Variants in NHSL1 observed in about 807,000 individuals in gnomAD.
The protein encoded by NHSL1 is NHS like 1, also known as NHS-like protein 1.
A neutral mutation model predicts 95.0 loss-of-function variants in NHSL1; 48 were observed. The observed-to-expected ratio is 0.51, with a 90% confidence interval of 0.40 to 0.64. The LOEUF is 0.64. Among genes scored for constraint, NHSL1 ranks in the 30% least tolerant of loss-of-function variants. The probability of loss-of-function intolerance (pLI) is 0.00; values close to 1 mark genes in which losing one functional copy is unlikely to be tolerated. For missense variants in NHSL1, 1,971 were observed against 2,077.7 expected (o/e 0.95, Z 1.00); for synonymous variants, 783 against 833.9 (o/e 0.94, Z 1.05).
chr6:138,610,571 TATAA>T (rs1439544864), intron 1 of NHSL1, among the ~76,000 whole-genome samples: 57 of 147,586 alleles, frequency 3.9e-4, no homozygotes, highest in African/African-American at 1.3e-3. Context: ...TATATATATA[TATAA>T]AAAGAAAAGA....
chr6:138,649,791 A>G (rs1785064982), intron 1 of NHSL1, among the ~76,000 whole-genome samples: 1 of 152,156 alleles, frequency 6.6e-6, no homozygotes, highest in Non-Finnish European at 1.5e-5. Flanking sequence ...ATCACGCCCT[A>G]TTTACGAAGA....
At chr6:138,616,154 T>C (rs975601949) in intron 1 of NHSL1, among the ~76,000 whole-genome samples, 4 of 152,338 alleles carry the variant, frequency 2.6e-5, no homozygotes, top group Admixed American at 2.6e-4. Context: ...GAGCAAATAA[T>C]GAACAAATTC....
chr6:138,504,912 C>CTGTA (rs1780880313), intron 1 of NHSL1, among the ~76,000 whole-genome samples: 1 of 152,158 alleles, frequency 6.6e-6, no homozygotes, highest in Non-Finnish European at 1.5e-5. Context: ...TTTCAGGAAC[C>CTGTA]AAATAAACCT....
At chr6:138,609,554 T>C (rs1189779318) in intron 1 of NHSL1, among the ~76,000 whole-genome samples, 3 of 151,972 alleles carry the variant, frequency 2.0e-5, no homozygotes, top group African/African-American at 4.8e-5. Flanking sequence ...CTCGAGACCA[T>C]CCTGGCTAAC....
intron 1 of NHSL1, among the ~76,000 whole-genome samples, chr6:138,678,188 AAGAT>A (rs966398902): frequency 3.3e-5 from 3 of 89,566 alleles, no homozygotes; most frequent in South Asian, 7.1e-4. Flanking sequence ...GGGAAAAAAG[AAGAT>A]TTTTTTCTCC....
At chr6:138,547,931 C>T (rs926846133), upstream of NHSL1, among the ~76,000 whole-genome samples, 1 of 152,180 alleles carries the variant, frequency 6.6e-6, no homozygotes, top group African/African-American at 2.4e-5. Context: ...TCATGGGTTA[C>T]ATTTAACTTT....
chr6:138,625,507 C>G (rs1342404176), intron 1 of NHSL1, among the ~76,000 whole-genome samples: 1 of 152,044 alleles, frequency 6.6e-6, no homozygotes, highest in Non-Finnish European at 1.5e-5. Context: ...TATCACCACT[C>G]CTTACTGGGT....
In NHSL1 at chr6:138,424,490, T is replaced by C; in HGVS notation, c.4412A>G (p.Lys1471Arg). 6.4e-7 allele frequency: 1 copy of C among 1,551,566 alleles called. No homozygotes were observed. Among genetic ancestry groups the C allele is most frequent in the Middle Eastern group, 1.7e-4 (1 of 5,990 alleles). ...PESPSSCSPS[K>R]NRRAQEEWAK... ...CCACTCCTCCTGCGCCCTTCTGTTC[T>C]TGCTTGGGGAGCAGCTTGACGGGCT... Residue 1471 changes from lysine (K) to arginine (R), a missense_variant, in exon 8 of 8, where the codon AAG becomes AGG. Coordinates refer to ENST00000343505, the MANE Select transcript of NHSL1 (RefSeq NM_001144060.2). This position sits in a 1 kb window ranked among gnomAD's most constrained non-coding sequence, Gnocchi z 5.9.
chr6:138,538,646 C>T (rs1490713704), intron 1 of NHSL1, among the ~76,000 whole-genome samples: 2 of 152,134 alleles, frequency 1.3e-5, no homozygotes, highest in Non-Finnish European at 2.9e-5. Context: ...AACAATGAAC[C>T]TTGCACAGTT....
intron 3 of NHSL1, chr6:138,464,144 C>T (rs1004565276): frequency 1.4e-5 from 8 of 578,872 alleles, no homozygotes; most frequent in Middle Eastern, 4.7e-4. Context: ...GATCTCACTC[C>T]GTTGTTTCTG....
chr6:138,674,175 C>T (rs1232986435), intron 1 of NHSL1, among the ~76,000 whole-genome samples: 1 of 151,716 alleles, frequency 6.6e-6, no homozygotes, highest in Non-Finnish European at 1.5e-5. Context: ...AAAATATATC[C>T]TTTATTAGGT....
chr6:138,595,124 T>C (rs1784286517), intron 1 of NHSL1, among the ~76,000 whole-genome samples: 1 of 152,206 alleles, frequency 6.6e-6, no homozygotes, highest in Non-Finnish European at 1.5e-5. Context: ...CTGCAGGCCT[T>C]CTAAGTACGT....
intron 5 of NHSL1, among the ~76,000 whole-genome samples, chr6:138,437,002 T>G (rs1347231329): frequency 6.6e-6 from 1 of 152,134 alleles, no homozygotes; most frequent in Non-Finnish European, 1.5e-5. Context: ...CAGGGGGCAG[T>G]GGCTCACACC....
chr6:138,482,101 G>C (rs148347327), intron 2 of NHSL1, among the ~76,000 whole-genome samples: 2 of 152,264 alleles, frequency 1.3e-5, no homozygotes, highest in African/African-American at 4.8e-5. Context: ...TATCACCCTG[G>C]TGTCAGGGAA....
In NHSL1 at chr6:138,499,111, G is replaced by A. The variant is rs776141511; in HGVS notation, c.58+122C>T. Reference sequence around the variant, plus strand: ...CTCTAATTTCTTCACACAAAAGAACGAAGGACCTAAAACACACACATGGAC... The same window carrying A: ...CTCTAATTTCTTCACACAAAAGAACAAAGGACCTAAAACACACACATGGAC... On this transcript the variant is annotated intron_variant, in intron 1 of 7. Coordinates refer to ENST00000343505, the MANE Select transcript of NHSL1 (RefSeq NM_001144060.2). 2.7e-5 allele frequency: 18 copies of A among 659,878 alleles called. No homozygotes were observed. The South Asian group carries it at 3.0e-4, about 11-fold the overall frequency. The allele number at this position is 659,878 out of a possible 1,614,324, so 40.9% of individuals were successfully genotyped here.
At chr6:138,541,676 C>T (rs893301105) in intron 1 of NHSL1, among the ~76,000 whole-genome samples, 1 of 152,088 alleles carries the variant, frequency 6.6e-6, no homozygotes, top group African/African-American at 2.4e-5. Flanking sequence ...GAACTAAGTT[C>T]AATTTTGTTT....
chr6:138,527,964 G>A (rs1781979769), intron 1 of NHSL1, among the ~76,000 whole-genome samples: 2 of 152,188 alleles, frequency 1.3e-5, no homozygotes, highest in African/African-American at 4.8e-5. Flanking sequence ...TCACACAAGA[G>A]CCTGTGAACG....
At chr6:138,558,819 A>C (rs920507355) in intron 1 of NHSL1, among the ~76,000 whole-genome samples, 16 of 152,202 alleles carry the variant, frequency 1.1e-4, no homozygotes, top group Non-Finnish European at 2.2e-4. Flanking sequence ...GAAGTGGGAA[A>C]ATCACTTGAG....
At chr6:138,505,856 T>C (rs1252658097) in intron 1 of NHSL1, among the ~76,000 whole-genome samples, 2 of 152,178 alleles carry the variant, frequency 1.3e-5, no homozygotes, top group Non-Finnish European at 2.9e-5. Context: ...ACCTTATCTA[T>C]AAATGGTGCT....
Sources: allele counts gnomAD v4.1 joint callset (sites outside exome capture counted in the v4.1 genomes callset), GRCh38; gene constraint gnomAD v4.1.1; non-coding constraint Gnocchi (gnomAD v3.1); transcripts MANE v1.5; gene names NCBI Gene and HGNC (gene_info 2026-07-23, HGNC 2026-07-21).